The following JAKMIP1 variants were observed in gnomAD, a reference collection of about 807,000 sequenced individuals.
JAKMIP1 encodes the protein janus kinase and microtubule-interacting protein 1.
In JAKMIP1, 33 loss-of-function variants were observed where a neutral mutation model predicts 113.0. The observed-to-expected ratio is 0.29, with a 90% CI of 0.22 to 0.39. JAKMIP1 has a LOEUF of 0.39. Among genes scored for constraint, JAKMIP1 ranks in the 10% least tolerant of loss-of-function variants. The pLI is 1.00. For synonymous variants in JAKMIP1, 480 were observed against 459.9 expected (o/e 1.04, Z -0.56); for missense variants, 813 against 1,080.5 (o/e 0.75, Z 3.47).
rs560156381 is a variant in JAKMIP1 at position 6,042,259 on chromosome 4, C to G, written c.2029-32G>C. 8 of 1,582,698 alleles carry G rather than the reference C, an allele frequency of 5.1e-6. No individual in the cohort carries two copies. Among genetic ancestry groups the G allele is most frequent in the Middle Eastern group, 1.7e-4 (1 of 6,014 alleles). On this transcript the variant is annotated intron_variant, in intron 16 of 20. Transcript: ENST00000409021. This position sits in a 1 kb window ranked among gnomAD's most constrained non-coding sequence, Gnocchi z 5.2. ...AACAGCAGGGACAGGACGGGTGCAG[C>G]AAAGTGAGAGTCAGAACCCAAGGGG...
rs1389127421 is a variant in JAKMIP1, at chr4:6,108,078, G to A, written c.130-2111C>T. ...GTCTAGGGGCTGCTTCCTGGGAGGG[G>A]CAGAGGTGCTGCTGAGGCTGGTGAT... On this transcript the variant is annotated intron_variant, in intron 2 of 20. Transcript: ENST00000409021. The surrounding 1 kb of genome is among the most constrained non-coding windows in gnomAD (Gnocchi z 5.6). Among the ~76,000 whole-genome samples the A allele has an allele frequency of 6.6e-6, 1 of 152,184 alleles. No individual in the cohort carries two copies. Among genetic ancestry groups the A allele is most frequent in the African/African-American group, 2.4e-5 (1 of 41,460 alleles).
intron 8 of JAKMIP1, among the ~76,000 whole-genome samples, chr4:6,077,344 T>C (rs565841574): frequency 5.1e-4 from 77 of 151,884 alleles, no homozygotes; most frequent in Non-Finnish European, 9.6e-4. Flanking sequence ...ACACCAAAGA[T>C]TGCTGGGAAA....
At position 6,044,527 on chromosome 4, in the gene JAKMIP1, A is replaced by T. The variant is rs1714747935; in HGVS notation, c.2029-2300T>A. Among the ~76,000 whole-genome samples, 1 of 152,136 alleles carries T rather than the reference A, an allele frequency of 6.6e-6. No homozygotes were observed. Among genetic ancestry groups the T allele is most frequent in the South Asian group, 2.1e-4 (1 of 4,818 alleles). ...GCACTTCCTCAAACAAGGCTCAGAC[A>T]AGATGCGTGGTTTCTTAGAAACAGA... is the stretch of plus-strand genomic sequence containing the variant. On this transcript the variant is annotated intron_variant, in intron 16 of 20. Transcript: ENST00000409021. This position sits in a 1 kb window ranked among gnomAD's most constrained non-coding sequence, Gnocchi z 4.4.
In JAKMIP1 at chr4:6,081,339, G is replaced by T. The variant is rs976814733; in HGVS notation, c.1101+270C>A. Among the ~76,000 whole-genome samples, 3 of 152,152 alleles carry T rather than the reference G, an allele frequency of 2.0e-5. No individual in the cohort carries two copies. Among genetic ancestry groups the T allele is most frequent in the Non-Finnish European group, 4.4e-5 (3 of 68,032 alleles). On this transcript the variant is annotated intron_variant, in intron 6 of 20. Coordinates refer to ENST00000409021, the MANE Select transcript of JAKMIP1 (RefSeq NM_001099433.2). The surrounding 1 kb of genome is among the most constrained non-coding windows in gnomAD (Gnocchi z 4.6). ...GTGGATATTTTCATTCCCATTTTAT[G>T]CATGAAGAAACAGAGGCTCAGAGAG...
At chr4:6,182,688 A>G (rs1225446215) in intron 1 of JAKMIP1, among the ~76,000 whole-genome samples, 1 of 152,216 alleles carries the variant, frequency 6.6e-6, no homozygotes, top group Non-Finnish European at 1.5e-5. Flanking sequence ...CTGAGACAGT[A>G]GGTAACAGCA....
intron 1 of JAKMIP1, among the ~76,000 whole-genome samples, chr4:6,196,886 A>G (rs1394669264): frequency 6.6e-6 from 1 of 151,814 alleles, no homozygotes; most frequent in Non-Finnish European, 1.5e-5. Context: ...CAAAAGCACC[A>G]AGAAGGCTTT....
rs1721714975 is a variant in JAKMIP1 at position 6,089,321 on chromosome 4, G to A, written c.625-3692C>T. ...CCTAAGCTGGTTTGATGGAATTTCT[G>A]TCACTTGCGACCAAAAGAATCACAA... On this transcript the variant is annotated intron_variant, in intron 3 of 20. Coordinates refer to ENST00000409021, the MANE Select transcript of JAKMIP1 (RefSeq NM_001099433.2). This position sits in a 1 kb window ranked among gnomAD's most constrained non-coding sequence, Gnocchi z 5.3. Among the ~76,000 whole-genome samples, 1 of 152,234 alleles carries A rather than the reference G, an allele frequency of 6.6e-6. No homozygotes were observed. Among genetic ancestry groups the A allele is most frequent in the African/African-American group, 2.4e-5 (1 of 41,450 alleles).
In JAKMIP1 at chr4:6,059,895, G is replaced by A. The variant is rs776944052; in HGVS notation, c.1644+529C>T. On this transcript the variant is annotated intron_variant, in intron 11 of 20. Coordinates refer to ENST00000409021, the MANE Select transcript of JAKMIP1 (RefSeq NM_001099433.2). This position sits in a 1 kb window ranked among gnomAD's most constrained non-coding sequence, Gnocchi z 4.8. ...CTCCAGGGGACAGGTCTAGGCCCAG[G>A]CATTGCTTTTCTGCTGTGTCTCACT... 3.3e-5 allele frequency among the ~76,000 whole-genome samples: 5 copies of A among 149,824 alleles called. No homozygotes were observed. The highest frequency in any genetic ancestry group is 7.4e-5 in the Non-Finnish European group (5 of 67,766).
intron 20 of JAKMIP1, among the ~76,000 whole-genome samples, chr4:6,028,080 A>C (rs1362202257): frequency 6.6e-6 from 1 of 152,212 alleles, no homozygotes; most frequent in Non-Finnish European, 1.5e-5. Context: ...CCAAGGCCTG[A>C]GGCAGAGGGG....
intron 1 of JAKMIP1, among the ~76,000 whole-genome samples, chr4:6,133,671 G>A (rs549259835): frequency 3.7e-4 from 56 of 152,184 alleles, no homozygotes; most frequent in Non-Finnish European, 6.2e-4. Flanking sequence ...CTGGGACCAT[G>A]CTTCCCAACA....
At position 6,094,230 on chromosome 4, in the gene JAKMIP1, G is replaced by A. The variant is rs1722497520; in HGVS notation, c.625-8601C>T. On this transcript the variant is annotated intron_variant, in intron 3 of 20. Transcript: ENST00000409021. The surrounding 1 kb of genome is among the most constrained non-coding windows in gnomAD (Gnocchi z 4.2). ...ATCTCAAACAATCTGTGCTAGCCCT[G>A]GGTCTAGCTCACAGCAGGTGCTCAC... is the stretch of plus-strand genomic sequence containing the variant. Among the ~76,000 whole-genome samples, 1 of 152,210 alleles carries A rather than the reference G, an allele frequency of 6.6e-6. No individual in the cohort carries two copies. The highest frequency in any genetic ancestry group is 2.4e-5 in the African/African-American group (1 of 41,448).
intron 1 of JAKMIP1, among the ~76,000 whole-genome samples, chr4:6,127,505 G>C (rs1291990508): frequency 1.3e-5 from 2 of 152,228 alleles, no homozygotes; most frequent in Non-Finnish European, 2.9e-5. Context: ...GTCAGCCTCA[G>C]GCTCCCTGGC....
At position 6,062,430 on chromosome 4, in the gene JAKMIP1, C is replaced by T. The variant is rs530379301; in HGVS notation, c.1442G>A (p.Arg481Gln). 23 of 1,613,228 alleles carry T rather than the reference C, an allele frequency of 1.4e-5. No homozygotes were observed. The highest frequency in any genetic ancestry group is 6.7e-5 in the East Asian group (3 of 44,858). ...GCAGAAGCGCAGGTCAGCCTCCTCT[C>T]GGGCTGTGGCCTTCACATAATGGAG... ...PEEDLDDATA[R>Q]EEADLRFCQL... Residue 481 changes from arginine to glutamine, a missense_variant, in exon 10 of 21, where the codon CGA (arginine) becomes CAA (glutamine). Around this residue, in one of 2 missense-constraint regions of JAKMIP1, gnomAD observed 540 missense variants for 653.9 expected, o/e 0.83. Transcript: ENST00000409021.
chr4:6,107,610 G>A (rs531010456), intron 2 of JAKMIP1, among the ~76,000 whole-genome samples: 155 of 152,282 alleles, frequency 1.0e-3, no homozygotes, highest in Middle Eastern at 3.4e-3. Flanking sequence ...TCTGCCTCCC[G>A]GCTGCACTGG....
At position 6,040,141 on chromosome 4, in the gene JAKMIP1, C is replaced by T. The variant is rs542279703; in HGVS notation, c.2175+498G>A. Among the ~76,000 whole-genome samples, 1 of 152,336 alleles carries T rather than the reference C, an allele frequency of 6.6e-6. No individual in the cohort carries two copies. Among genetic ancestry groups the T allele is most frequent in the African/African-American group, 2.4e-5 (1 of 41,588 alleles). ...ACACAGGAGTTTGAACATCATCCCA[C>T]TGTATTTTAATCACCAGGACGCCCA... On this transcript the variant is annotated intron_variant, in intron 18 of 20. Coordinates refer to ENST00000409021, the MANE Select transcript of JAKMIP1 (RefSeq NM_001099433.2). The surrounding 1 kb of genome is among the most constrained non-coding windows in gnomAD (Gnocchi z 5.8).
chr4:6,032,476 C>A (rs962385557), intron 19 of JAKMIP1, among the ~76,000 whole-genome samples: 3 of 152,150 alleles, frequency 2.0e-5, no homozygotes, highest in African/African-American at 7.2e-5. Flanking sequence ...CTTCTCTGAG[C>A]CTCACTCTGC....
In JAKMIP1 at chr4:6,187,466, G is replaced by A. The variant is rs1408476343; in HGVS notation, c.-148+12787C>T. 6.6e-6 allele frequency among the ~76,000 whole-genome samples: 1 copy of A among 152,250 alleles called. No homozygotes were observed. The highest frequency in any genetic ancestry group is 2.4e-5 in the African/African-American group (1 of 41,468). ...TTCATATGTTTCTAGTCACCAGTAT[G>A]ATAGCATTAGAAGGTGAGGCGTTTG... On this transcript the variant is annotated intron_variant, in intron 1 of 20. Coordinates refer to ENST00000409021, the MANE Select transcript of JAKMIP1 (RefSeq NM_001099433.2). The surrounding 1 kb of genome is among the most constrained non-coding windows in gnomAD (Gnocchi z 4.2).
intron 1 of JAKMIP1, among the ~76,000 whole-genome samples, chr4:6,195,826 A>T (rs992812323): frequency 1.3e-5 from 2 of 152,222 alleles, no homozygotes; most frequent in African/African-American, 4.8e-5. Flanking sequence ...GGCTTCCCAG[A>T]TGTCTCCCCC....
At chr4:6,117,193 T>C in intron 1 of JAKMIP1, among the ~76,000 whole-genome samples, 1 of 152,086 alleles carries the variant, frequency 6.6e-6, no homozygotes, top group East Asian at 1.9e-4. Context: ...TTCACTGAAG[T>C]GCAGATGGTA....
Sources: gnomAD v4.1 joint callset for allele counts (sites outside exome capture counted in the v4.1 genomes callset) on GRCh38, gnomAD v4.1.1 for gene constraint, gnomAD v4.1.1 regional missense constraint, Gnocchi (gnomAD v3.1) non-coding constraint, MANE v1.5 for transcripts, NCBI Gene and HGNC (gene_info 2026-07-23, HGNC 2026-07-21) for gene names.